The following RNF157 variants were observed in gnomAD, a reference collection of about 807,000 sequenced individuals.
The protein encoded by RNF157 is E3 ubiquitin ligase RNF157.
In RNF157, 55 loss-of-function variants were observed where a neutral mutation model predicts 88.3. That is an observed-to-expected ratio of 0.62 (90% CI 0.50 to 0.78). The LOEUF is 0.78. RNF157 is among the 30% of genes least tolerant of loss of function. RNF157 has a pLI of 0.00. For missense variants in RNF157, 788 were observed against 860.8 expected (o/e 0.92, Z 1.06); for synonymous variants, 334 against 341.2 (o/e 0.98, Z 0.23).
At chr17:76,198,883 C>T (rs141546187) in intron 2 of RNF157, among the ~76,000 whole-genome samples, 1 of 152,338 alleles carries the variant, frequency 6.6e-6, no homozygotes, top group African/African-American at 2.4e-5. Flanking sequence ...CTGGATGCCA[C>T]ACCTGCTTAT....
At position 76,161,304 on chromosome 17, in the gene RNF157, G is replaced by T. The variant is rs1213067685; in HGVS notation, c.1065+231C>A. ...CTGCAAGCAGATGGCTCTAGGAATG[G>T]TAAACATTAACTGGACACCAAGTTC... On this transcript the variant is annotated intron_variant, in intron 11 of 18. Transcript: ENST00000269391. This position sits in a 1 kb window ranked among gnomAD's most constrained non-coding sequence, Gnocchi z 4.6. Among the ~76,000 whole-genome samples, 1 of 152,096 alleles carries T rather than the reference G, an allele frequency of 6.6e-6. No individual in the cohort carries two copies. Among genetic ancestry groups the T allele is most frequent in the East Asian group, 1.9e-4 (1 of 5,190 alleles).
At chr17:76,203,287 C>G (rs941244150) in intron 2 of RNF157, among the ~76,000 whole-genome samples, 1 of 152,058 alleles carries the variant, frequency 6.6e-6, no homozygotes, top group African/African-American at 2.4e-5. Context: ...CATCAGGTCC[C>G]GCCATCATTT....
chr17:76,162,923 C>T (rs2068865971), intron 8 of RNF157: 1 of 216,900 alleles, frequency 4.6e-6, no homozygotes, highest in Non-Finnish European at 9.0e-6. Context: ...TAAGAAGGCA[C>T]AGACTAGAAA....
chr17:76,214,018 G>A (rs541346971), intron 1 of RNF157, among the ~76,000 whole-genome samples: 21 of 152,222 alleles, frequency 1.4e-4, no homozygotes, highest in African/African-American at 4.1e-4. Flanking sequence ...TGTTTCTCTA[G>A]TTCTGTGAGT....
At chr17:76,162,756 G>A in intron 8 of RNF157, 133 bp from the exon 9 acceptor site, 1 of 539,910 alleles carries the variant, frequency 1.9e-6, no homozygotes, top group South Asian at 3.0e-5. Flanking sequence ...TCAAAGGCCT[G>A]GATAAGTAAA....
Position 76,155,743 on chromosome 17 carries a change from A to G in RNF157, c.1526-9T>C. On this transcript the variant is annotated splice_polypyrimidine_tract_variant and intron_variant, in intron 14 of 18. Transcript: ENST00000269391. ...GCTGCTGCTGGCAGGGCCTTTGGAG[A>G]CAGGGGATGGGGAAAGGAGCCTGGA... is the stretch of plus-strand genomic sequence containing the variant. 6.5e-7 allele frequency: 1 copy of G among 1,543,312 alleles called. No homozygotes were observed. Among genetic ancestry groups the G allele is most frequent in the Non-Finnish European group, 8.7e-7 (1 of 1,144,144 alleles).
Position 76,161,712 on chromosome 17 carries a change from G to T in RNF157, c.953-65C>A. On this transcript the variant is annotated intron_variant, in intron 10 of 18. Transcript: ENST00000269391. This position sits in a 1 kb window ranked among gnomAD's most constrained non-coding sequence, Gnocchi z 4.6. ...AGGATTAAGAATGAACAAGAGCCCA[G>T]ACAGAAACCATGATCCCTCCCAGCG... 1 of 1,540,280 alleles carries T rather than the reference G, an allele frequency of 6.5e-7. No individual in the cohort carries two copies. Among genetic ancestry groups the T allele is most frequent in the Admixed American group, 1.8e-5 (1 of 56,470 alleles).
intron 2 of RNF157, among the ~76,000 whole-genome samples, chr17:76,180,059 C>G (rs2069166077): frequency 6.6e-6 from 1 of 152,196 alleles, no homozygotes; most frequent in African/African-American, 2.4e-5. Flanking sequence ...GCTTCCTTTT[C>G]TGTCTTGCAC....
At chr17:76,167,364 A>G (rs1009103133) in intron 4 of RNF157, among the ~76,000 whole-genome samples, 8 of 152,230 alleles carry the variant, frequency 5.3e-5, no homozygotes, top group African/African-American at 1.9e-4. Flanking sequence ...GACCTGAAGG[A>G]CTATACCACC....
chr17:76,193,132 T>C (rs1227580618), intron 2 of RNF157, among the ~76,000 whole-genome samples: 2 of 152,218 alleles, frequency 1.3e-5, no homozygotes, highest in African/African-American at 4.8e-5. Context: ...TCTCACTTCA[T>C]ACACAAGACT....
intron 1 of RNF157, chr17:76,226,336 G>C: frequency 6.2e-7 from 1 of 1,601,430 alleles, no homozygotes. Flanking sequence ...GCAAGAAGGT[G>C]AAGGGGGCAA....
In RNF157 at chr17:76,146,217, G is replaced by T; in HGVS notation, c.1922-864C>A. On this transcript the variant is annotated intron_variant, in intron 18 of 18. Coordinates refer to ENST00000269391, the MANE Select transcript of RNF157 (RefSeq NM_052916.3). The surrounding 1 kb of genome is among the most constrained non-coding windows in gnomAD (Gnocchi z 4.2). ...ACCTGGGCTCCACTCCCAGTTTACA[G>T]CAGTGTGACCTTGGGCACATCAGTT... 1 of 365,240 alleles carries T rather than the reference G, an allele frequency of 2.7e-6. No individual in the cohort carries two copies. Among genetic ancestry groups the T allele is most frequent in the Non-Finnish European group, 3.8e-6 (1 of 262,994 alleles). The allele number at this position is 365,240 out of a possible 1,614,324, so 22.6% of individuals were successfully genotyped here. A position where few individuals can be genotyped will look rare whatever the true frequency, so the allele number is the denominator to read the frequency against.
chr17:76,231,433 TC>T lies in RNF157; in HGVS notation c.88+8719del, dbSNP rs530810905. On this transcript the variant is annotated intron_variant, in intron 1 of 18. Transcript: ENST00000269391. ...GGCTTGTCTTCTCAACTTTTTACTG[TC>T]TTTTGAGGCCCACCACCATGCCTGG... is the stretch of plus-strand genomic sequence containing the variant. Among the ~76,000 whole-genome samples the T allele has an allele frequency of 1.1e-3, 161 of 152,322 alleles. 2 individuals carry two copies. Among genetic ancestry groups the T allele is most frequent in the Non-Finnish European group, 1.7e-3 (115 of 68,022 alleles).
chr17:76,155,144 G>A, intron 16 of RNF157, 108 bp downstream of exon 16: 1 of 905,848 alleles, frequency 1.1e-6, no homozygotes, highest in Admixed American at 1.9e-5. Context: ...CCCTAGGAAG[G>A]CTTCGTCAGC....
chr17:76,163,374 T>G (rs1355780171), intron 8 of RNF157: 1 of 152,086 alleles, frequency 6.6e-6, no homozygotes, highest in Non-Finnish European at 1.5e-5. Context: ...TTGTATTTTG[T>G]GGTAGAGACG....
chr17:76,235,247 G>A (rs1263610057), intron 1 of RNF157, among the ~76,000 whole-genome samples: 1 of 151,460 alleles, frequency 6.6e-6, no homozygotes, highest in East Asian at 1.9e-4. Context: ...GCCCAGGCTG[G>A]AGTGCAGTGG....
At chr17:76,184,623 C>T (rs2069250721) in intron 2 of RNF157, among the ~76,000 whole-genome samples, 1 of 152,144 alleles carries the variant, frequency 6.6e-6, no homozygotes, top group Admixed American at 6.5e-5. Flanking sequence ...TGCAGTAAAC[C>T]TCTTTTCACT....
intron 3 of RNF157, among the ~76,000 whole-genome samples, chr17:76,168,254 T>C (rs965296772): frequency 6.6e-6 from 1 of 152,152 alleles, no homozygotes; most frequent in Non-Finnish European, 1.5e-5. Flanking sequence ...AAGGATTTCT[T>C]TCTCTTTCCT....
At chr17:76,159,258 G>A (rs1051399015) in intron 12 of RNF157, 77 bp downstream of exon 12, 6 of 1,298,252 alleles carry the variant, frequency 4.6e-6, no homozygotes, top group African/African-American at 2.9e-5. Context: ...TCCCCAGGAT[G>A]TGGGCCAGCA....
Sources: allele counts gnomAD v4.1 joint callset (sites outside exome capture counted in the v4.1 genomes callset), GRCh38; gene constraint gnomAD v4.1.1; non-coding constraint Gnocchi (gnomAD v3.1); transcripts MANE v1.5; gene names NCBI Gene and HGNC (gene_info 2026-07-23, HGNC 2026-07-21).